Variants in ADAM2 observed in about 807,000 individuals in gnomAD.
ADAM2 encodes the protein disintegrin and metalloproteinase domain-containing protein 2.
Under a neutral mutation model 99.3 loss-of-function variants are expected in ADAM2, and 101 were observed. That is an observed-to-expected ratio of 1.02 (90% CI 0.87 to 1.20). The LOEUF (loss-of-function observed/expected upper bound fraction) is 1.20, where lower values mean the gene tolerates loss of function less well. Ranked by LOEUF, ADAM2 falls within the 50% of genes most tolerant of loss-of-function variation. The probability of loss-of-function intolerance (pLI) is 0.00; values close to 1 mark genes in which losing one functional copy is unlikely to be tolerated. For synonymous variants in ADAM2, 323 were observed against 287.6 expected, an observed-to-expected ratio of 1.12 and a Z score of -1.25; for missense variants, 948 against 878.7, an observed-to-expected ratio of 1.08 and a Z score of -1.00.
chr8:39,755,492 C>G (rs1237289093), intron 16 of ADAM2, among the ~76,000 whole-genome samples: 1 of 152,094 alleles, frequency 6.6e-6, no homozygotes, highest in Non-Finnish European at 1.5e-5. Context: ...CTGGCCAACA[C>G]TGTGAAACTC....
intron 6 of ADAM2, chr8:39,817,821 T>C (rs1422311863): frequency 6.7e-6 from 1 of 149,630 alleles, no homozygotes; most frequent in Admixed American, 6.6e-5. Flanking sequence ...TATAAGGGAG[T>C]CCTACAAACA....
At chr8:39,790,270 A>G (rs1803651110) in intron 7 of ADAM2, among the ~76,000 whole-genome samples, 1 of 151,996 alleles carries the variant, frequency 6.6e-6, no homozygotes, top group Non-Finnish European at 1.5e-5. Flanking sequence ...ATAGCTTAAA[A>G]GTGGAAAAAG....
chr8:39,789,183 A>G (rs1183330037), intron 7 of ADAM2, among the ~76,000 whole-genome samples: 1 of 151,784 alleles, frequency 6.6e-6, no homozygotes, highest in East Asian at 1.9e-4. Flanking sequence ...AGGAAGATAT[A>G]AAAATTATAA....
chr8:39,831,164 G>C (rs562517167), intron 3 of ADAM2, among the ~76,000 whole-genome samples: 49 of 152,260 alleles, frequency 3.2e-4, no homozygotes, highest in African/African-American at 1.2e-3. Context: ...AACAGACTAA[G>C]ACACCTGCTG....
intron 7 of ADAM2, among the ~76,000 whole-genome samples, chr8:39,803,972 G>A (rs1804322487): frequency 6.6e-6 from 1 of 152,208 alleles, no homozygotes; most frequent in Non-Finnish European, 1.5e-5. Flanking sequence ...AGCTGAGTGT[G>A]AATGTGCACG....
chr8:39,751,562 A>T (rs1401733481), intron 16 of ADAM2, among the ~76,000 whole-genome samples: 4 of 152,156 alleles, frequency 2.6e-5, no homozygotes. Flanking sequence ...CAGTTGTATC[A>T]TGCAGGAAGC....
In ADAM2 at chr8:39,780,954, A is replaced by G. The variant is rs545886431; in HGVS notation, c.892-3793T>C. On this transcript the variant is annotated intron_variant, in intron 10 of 20. Coordinates refer to ENST00000265708, the MANE Select transcript of ADAM2 (RefSeq NM_001464.5). ...AACTAAAACATTGTTATCTCTTTCA[A>G]TTATTGCCCTTTGGAATTATTATAA... Among the ~76,000 whole-genome samples the G allele has an allele frequency of 1.2e-4, 18 of 151,638 alleles. No homozygotes were observed. In the South Asian group the frequency reaches 3.6e-3, roughly 30 times the overall value.
chr8:39,821,977 A>G (rs1363173196), intron 4 of ADAM2, among the ~76,000 whole-genome samples: 1 of 152,194 alleles, frequency 6.6e-6, no homozygotes, highest in East Asian at 1.9e-4. Flanking sequence ...ATGGTAGATA[A>G]GCAAAGTTAA....
intron 7 of ADAM2, among the ~76,000 whole-genome samples, chr8:39,803,409 G>A (rs75892200): frequency 1.8e-4 from 27 of 152,198 alleles, no homozygotes; most frequent in African/African-American, 5.5e-4. Flanking sequence ...GGGGATTCTC[G>A]CAACCAATCC....
At chr8:39,837,606 C>T (rs956059999) in intron 1 of ADAM2, among the ~76,000 whole-genome samples, 1 of 152,052 alleles carries the variant, frequency 6.6e-6, no homozygotes, top group Non-Finnish European at 1.5e-5. Context: ...GGGATGGTCT[C>T]GATCTCCTGA....
intron 7 of ADAM2, among the ~76,000 whole-genome samples, chr8:39,799,955 C>T (rs1804132711): frequency 6.6e-6 from 1 of 152,330 alleles, no homozygotes; most frequent in South Asian, 2.1e-4. Flanking sequence ...GTACAGCACA[C>T]CAATGAGTCC....
At position 39,766,892 on chromosome 8, in the gene ADAM2, A is replaced by T. The variant is rs769508069; in HGVS notation, c.1463T>A (p.Val488Asp). Reference sequence around the variant, plus strand: ...ACATTGTTTATCCCCACTCATACAAACTCCATCTATACAGATCCATTGATT... The same window carrying T: ...ACATTGTTTATCCCCACTCATACAATCTCCATCTATACAGATCCATTGATT... ...GLNQWICIDG[V>D]CMSGDKQCTD... Residue 488 changes from valine to aspartate, a missense_variant, in exon 14 of 21, where the codon GTT becomes GAT. Transcript: ENST00000265708. The T allele has an allele frequency of 3.1e-6, 5 of 1,611,502 alleles. No homozygotes were observed. Among genetic ancestry groups the T allele is most frequent in the Non-Finnish European group, 3.4e-6 (4 of 1,178,338 alleles).
At chr8:39,821,787 T>C in intron 4 of ADAM2, 125 bp from the exon 5 acceptor site, 1 of 661,816 alleles carries the variant, frequency 1.5e-6, no homozygotes, top group Non-Finnish European at 2.6e-6. Context: ...AAAATGGATT[T>C]ATAATGTTAT....
At chr8:39,792,541 A>G (rs955278522) in intron 7 of ADAM2, among the ~76,000 whole-genome samples, 2 of 152,068 alleles carry the variant, frequency 1.3e-5, no homozygotes, top group Non-Finnish European at 2.9e-5. Context: ...TCCTCAAAGA[A>G]CAAAATAAAG....
chr8:39,747,060 G>GT (rs1199207831), intron 18 of ADAM2, among the ~76,000 whole-genome samples: 11 of 152,116 alleles, frequency 7.2e-5, no homozygotes, highest in Non-Finnish European at 4.4e-5. Flanking sequence ...TATGCCTATA[G>GT]TTTTTTGTTG....
intron 7 of ADAM2, among the ~76,000 whole-genome samples, chr8:39,807,461 TA>T: frequency 6.6e-6 from 1 of 152,278 alleles, no homozygotes; most frequent in South Asian, 2.1e-4. Flanking sequence ...GCTGGAGTTC[TA>T]TGGAGTAAAT....
chr8:39,829,756 ATTG>A (rs1433197287), intron 3 of ADAM2, among the ~76,000 whole-genome samples: 1 of 152,044 alleles, frequency 6.6e-6, no homozygotes, highest in Non-Finnish European at 1.5e-5. Context: ...GATGAAATAA[ATTG>A]TTGTATAATC....
At chr8:39,816,048 CA>C (rs1943195310) in intron 6 of ADAM2, among the ~76,000 whole-genome samples, 1 of 151,996 alleles carries the variant, frequency 6.6e-6, no homozygotes, top group Admixed American at 6.6e-5. Context: ...GTAATCCCAG[CA>C]GTTTGGGAGG....
At chr8:39,760,882 CAAAAAAAAAAA>C (rs58386097) in intron 15 of ADAM2, among the ~76,000 whole-genome samples, 32 of 60,186 alleles carry the variant, frequency 5.3e-4, no homozygotes, top group African/African-American at 1.8e-3. Context: ...GACTCCATCT[CAAAAAAAAAAA>C]AAAAAAAAAA....
Sources: gnomAD v4.1 joint callset for allele counts (sites outside exome capture counted in the v4.1 genomes callset) on GRCh38, gnomAD v4.1.1 for gene constraint, MANE v1.5 for transcripts, NCBI Gene and HGNC (gene_info 2026-07-23, HGNC 2026-07-21) for gene names.